The following KCNC1 variants were observed in gnomAD, a reference collection of about 807,000 sequenced individuals.
KCNC1 encodes voltage-gated potassium channel KCNC1.
In KCNC1, 8 loss-of-function variants were observed where a neutral mutation model predicts 43.4. The observed-to-expected ratio is 0.18, with a 90% CI of 0.11 to 0.33. The LOEUF (loss-of-function observed/expected upper bound fraction) is 0.33, where lower values mean the gene tolerates loss of function less well. Among genes scored for constraint, KCNC1 ranks in the 10% least tolerant of loss-of-function variants. The pLI, the probability that KCNC1 is intolerant of heterozygous loss-of-function variation, is 1.00. For missense variants in KCNC1, 420 were observed against 836.0 expected, an observed-to-expected ratio of 0.50 and a Z score of 6.14; for synonymous variants, 361 against 360.5, an observed-to-expected ratio of 1.00 and a Z score of -0.01.
At position 17,736,498 on chromosome 11, in the gene KCNC1, G is replaced by A. The variant is rs557141437; in HGVS notation, c.496G>A (p.Gly166Ser). The change falls in exon 1 of 4, where the codon GGC becomes AGC. Residue 166 changes from glycine (G) to serine (S), a missense_variant. This residue lies in a region of KCNC1 where 151 missense variants were observed against 216.7 expected (regional missense o/e 0.70). Coordinates refer to ENST00000265969, the MANE Select transcript of KCNC1 (RefSeq NM_001112741.2). The surrounding 1 kb of genome is among the most constrained non-coding windows in gnomAD (Gnocchi z 9.3). ...CAGTGACTCCCCGGATGGCCGGCCTGGCGGCTTTTGGCGCCGCTGGCAGCC... is the reference window on the plus strand; with the variant it reads ...CAGTGACTCCCCGGATGGCCGGCCTAGCGGCTTTTGGCGCCGCTGGCAGCC... ...ALSDSPDGRP[G>S]GFWRRWQPRI... The A allele has an allele frequency of 6.3e-7, 1 of 1,591,418 alleles. No homozygotes were observed. The highest frequency in any genetic ancestry group is 2.3e-5 in the East Asian group (1 of 44,316).
At position 17,736,422 on chromosome 11, in the gene KCNC1, C is replaced by G. The variant is rs750885846; in HGVS notation, c.420C>G (p.Gly140=). ...ACGACGCGGACGCCGACGGCCCTGGCGACTCGGGCGACGGCGAGGACGAGC... is the reference window on the plus strand; with the variant it reads ...ACGACGCGGACGCCGACGGCCCTGGGGACTCGGGCGACGGCGAGGACGAGC... The part of the protein sequence containing the change: ...SADDADADGP[G]DSGDGEDELE... Residue 140 remains glycine, a synonymous_variant, in exon 1 of 4, where the codon GGC becomes GGG. Coordinates refer to ENST00000265969, the MANE Select transcript of KCNC1 (RefSeq NM_001112741.2). This position sits in a 1 kb window ranked among gnomAD's most constrained non-coding sequence, Gnocchi z 9.3. The G allele has an allele frequency of 6.2e-7, 1 of 1,607,428 alleles. No homozygotes were observed.
chr11:17,752,859 G>C (rs981404934), intron 1 of KCNC1, among the ~76,000 whole-genome samples: 1 of 151,978 alleles, frequency 6.6e-6, no homozygotes, highest in Non-Finnish European at 1.5e-5. Flanking sequence ...TCAGTACGTG[G>C]TAGCTGCCTT....
chr11:17,740,546 T>G (rs75990512), intron 1 of KCNC1, among the ~76,000 whole-genome samples: 4,102 of 152,236 alleles, frequency 0.027, 179 homozygotes, highest in African/African-American at 0.093. Context: ...TCTGAGGCTC[T>G]TGGCTTTAGT....
intron 1 of KCNC1, among the ~76,000 whole-genome samples, chr11:17,738,133 C>T (rs1278036232): frequency 6.6e-6 from 1 of 152,098 alleles, no homozygotes; most frequent in Non-Finnish European, 1.5e-5. Context: ...CCAAGGTCAC[C>T]CAGGGAGCTA....
intron 1 of KCNC1, among the ~76,000 whole-genome samples, chr11:17,765,580 T>C (rs1210394552): frequency 2.6e-5 from 4 of 152,204 alleles, no homozygotes; most frequent in African/African-American, 9.6e-5. Flanking sequence ...GCGACCACTT[T>C]CTAGAACACA....
At chr11:17,772,901 AGG>A (rs1048008567) in intron 2 of KCNC1, 2 of 1,242,944 alleles carry the variant, frequency 1.6e-6, no homozygotes, top group Non-Finnish European at 1.0e-6. Flanking sequence ...AGCAGGAGCC[AGG>A]GGGGCTCTGC....
chr11:17,777,009 C>G lies in KCNC1; in HGVS notation c.1505-2447C>G. 1.0e-6 allele frequency: 1 copy of G among 985,396 alleles called. No individual in the cohort carries two copies. Among genetic ancestry groups the G allele is most frequent in the Non-Finnish European group, 1.2e-6 (1 of 829,962 alleles). 61.0% of individuals were successfully genotyped at this position (985,396 alleles called of 1,614,324 possible). A position where few individuals can be genotyped will look rare whatever the true frequency, so the allele number is the denominator to read the frequency against. On this transcript the variant is annotated intron_variant, in intron 2 of 3. Coordinates refer to ENST00000265969, the MANE Select transcript of KCNC1 (RefSeq NM_001112741.2). This position sits in a 1 kb window ranked among gnomAD's most constrained non-coding sequence, Gnocchi z 4.3. ...AGAAGCAGTAGGCCCTAGGGGTGTC[C>G]CGGGAATCCCCCAGGAGGGAAAGGT...
rs1054063938 is a variant in KCNC1 at position 17,771,129 on chromosome 11, A to G, written c.571-536A>G. Among the ~76,000 whole-genome samples the G allele has an allele frequency of 3.3e-5, 5 of 152,202 alleles. No homozygotes were observed. The highest frequency in any genetic ancestry group is 7.3e-5 in the Non-Finnish European group (5 of 68,034). On this transcript the variant is annotated intron_variant, in intron 1 of 3. Transcript: ENST00000265969. This position sits in a 1 kb window ranked among gnomAD's most constrained non-coding sequence, Gnocchi z 4.7. ...GACCACATGAGGGAGGTACAGACCC[A>G]TGGAAAAGAGCAAAGAGCCTGGAGT...
rs748483977 is a variant in KCNC1 at position 17,736,393 on chromosome 11, G to T, written c.391G>T (p.Ala131Ser). The T allele has an allele frequency of 6.2e-7, 1 of 1,610,228 alleles. No individual in the cohort carries two copies. The highest frequency in any genetic ancestry group is 1.7e-5 in the Admixed American group (1 of 59,680). ...SFGGAPLDNS[A>S]DDADADGPGD... ...CGGCGGCGCTCCTCTGGACAACAGC[G>T]CCGACGACGCGGACGCCGACGGCCC... is the stretch of plus-strand genomic sequence containing the variant. Residue 131 changes from alanine to serine, a missense_variant, in exon 1 of 4, where the codon GCC (alanine) becomes TCC (serine). This residue lies in a region of KCNC1 where 151 missense variants were observed against 216.7 expected (regional missense o/e 0.70). Coordinates refer to ENST00000265969, the MANE Select transcript of KCNC1 (RefSeq NM_001112741.2). The surrounding 1 kb of genome is among the most constrained non-coding windows in gnomAD (Gnocchi z 9.3).
At chr11:17,746,527 ATGTCCACCTCCTTCCCTTCCC>A (rs1383300247) in intron 1 of KCNC1, among the ~76,000 whole-genome samples, 1 of 150,894 alleles carries the variant, frequency 6.6e-6, no homozygotes, top group Admixed American at 6.6e-5. Flanking sequence ...ATCTCCTTCC[ATGTCCACCTCCTTCCCTTCCC>A]TGTCCCCTCC....
At position 17,771,019 on chromosome 11, in the gene KCNC1, GA is replaced by G; in HGVS notation, c.571-645del. ...GTGCAAGTTCCTAGGAAGACAGAGA[GA>G]GGGGGTACATTTTAAAAAGCTGTCT... On this transcript the variant is annotated intron_variant, in intron 1 of 3. Coordinates refer to ENST00000265969, the MANE Select transcript of KCNC1 (RefSeq NM_001112741.2). The surrounding 1 kb of genome is among the most constrained non-coding windows in gnomAD (Gnocchi z 4.7). Among the ~76,000 whole-genome samples the G allele has an allele frequency of 6.6e-6, 1 of 152,346 alleles. No individual in the cohort carries two copies.
At chr11:17,744,075 C>A (rs1848871978) in intron 1 of KCNC1, among the ~76,000 whole-genome samples, 1 of 152,148 alleles carries the variant, frequency 6.6e-6, no homozygotes, top group African/African-American at 2.4e-5. Context: ...GCATCAGACA[C>A]CTGGATTAGA....
At position 17,739,074 on chromosome 11, in the gene KCNC1, A is replaced by T. The variant is rs934533671; in HGVS notation, c.570+2502A>T. On this transcript the variant is annotated intron_variant, in intron 1 of 3. Coordinates refer to ENST00000265969, the MANE Select transcript of KCNC1 (RefSeq NM_001112741.2). The surrounding 1 kb of genome is among the most constrained non-coding windows in gnomAD (Gnocchi z 4.2). ...GCACTGCGCTGCCTCTCTGCGGCTC[A>T]TCTGCGCACAGACCAGCCGCCTGCC... 3.3e-5 allele frequency among the ~76,000 whole-genome samples: 5 copies of T among 152,106 alleles called. No homozygotes were observed. Among genetic ancestry groups the T allele is most frequent in the Non-Finnish European group, 7.4e-5 (5 of 68,020 alleles).
At position 17,771,925 on chromosome 11, in the gene KCNC1, G is replaced by T. The variant is rs765494674; in HGVS notation, c.831G>T (p.Ser277=). ...ACAAGGTAGAGTTCATCAAGAACTC[G>T]CTCAACATCATTGACTTTGTGGCCA... ...CPNKVEFIKN[S]LNIIDFVAIL... is the part of the protein sequence containing the mutation. Residue 277 remains serine, a synonymous_variant, in exon 2 of 4, where the codon TCG becomes TCT. Transcript: ENST00000265969. The surrounding 1 kb of genome is among the most constrained non-coding windows in gnomAD (Gnocchi z 4.7). 79 of 1,614,090 alleles carry T rather than the reference G, an allele frequency of 4.9e-5. No individual in the cohort carries two copies. Among genetic ancestry groups the T allele is most frequent in the African/African-American group, 3.7e-4 (28 of 74,944 alleles).
rs538643087 is a variant in KCNC1 at position 17,773,113 on chromosome 11, G to A, written c.1504+515G>A. On this transcript the variant is annotated intron_variant, in intron 2 of 3. Coordinates refer to ENST00000265969, the MANE Select transcript of KCNC1 (RefSeq NM_001112741.2). This position sits in a 1 kb window ranked among gnomAD's most constrained non-coding sequence, Gnocchi z 4.1. ...GGTCCCTTGCAAAGGCAGGTGCAAG[G>A]GTTCTCACCCCCGGCAGAGCCTGTC... 1 of 991,278 alleles carries A rather than the reference G, an allele frequency of 1.0e-6. No individual in the cohort carries two copies. The highest frequency in any genetic ancestry group is 1.1e-4 in the East Asian group (1 of 8,940). 61.4% of individuals were successfully genotyped at this position (991,278 alleles called of 1,614,324 possible).
In KCNC1 at chr11:17,736,649, C is replaced by A. The variant is rs993821132; in HGVS notation, c.570+77C>A. ...TGCCTCCCCGCGGGCAGGGGTGGAC[C>A]GGAGAACTGGCGCCTAGGGAGTTCA... On this transcript the variant is annotated intron_variant, in intron 1 of 3. Transcript: ENST00000265969. The surrounding 1 kb of genome is among the most constrained non-coding windows in gnomAD (Gnocchi z 9.3). The A allele has an allele frequency of 2.8e-6, 4 of 1,441,232 alleles. No homozygotes were observed. Among genetic ancestry groups the A allele is most frequent in the South Asian group, 1.5e-5 (1 of 67,872 alleles). The allele number at this position is 1,441,232 out of a possible 1,614,324, so 89.3% of individuals were successfully genotyped here.
At chr11:17,745,453 C>A (rs565757457) in intron 1 of KCNC1, among the ~76,000 whole-genome samples, 187 of 152,330 alleles carry the variant, frequency 1.2e-3, no homozygotes, top group African/African-American at 4.3e-3. Context: ...GCTACCCCCC[C>A]GTGGAAGCCC....
chr11:17,775,670 C>T (rs1849277363), intron 2 of KCNC1: 7 of 985,768 alleles, frequency 7.1e-6, no homozygotes, highest in Non-Finnish European at 8.4e-6. Context: ...TGCCCATTCG[C>T]ATGTGTCTTG....
intron 1 of KCNC1, among the ~76,000 whole-genome samples, chr11:17,762,459 C>T (rs917606513): frequency 6.6e-6 from 1 of 152,218 alleles, no homozygotes; most frequent in Non-Finnish European, 1.5e-5. Context: ...CTCACTGTTA[C>T]AACCACTGGG....
Sources: allele counts gnomAD v4.1 joint callset (sites outside exome capture counted in the v4.1 genomes callset), GRCh38; gene constraint gnomAD v4.1.1; regional missense constraint gnomAD v4.1.1; non-coding constraint Gnocchi (gnomAD v3.1); transcripts MANE v1.5; gene names NCBI Gene and HGNC (gene_info 2026-07-23, HGNC 2026-07-21).